Variants in NBEA observed in about 807,000 individuals in gnomAD.
NBEA encodes lysosomal-trafficking regulator 2.
NBEA carries 44 observed loss-of-function variants against 343.4 expected under a neutral mutation model. The ratio of observed to expected loss-of-function variants is 0.13; its 90% CI spans 0.10 to 0.16. NBEA has a LOEUF of 0.16. Ranked by LOEUF, NBEA falls within the 10% of genes least tolerant of loss-of-function variation. NBEA has a pLI of 1.00. For missense variants in NBEA, 2,555 were observed against 3,631.3 expected (o/e 0.70, Z 7.62); for synonymous variants, 1,175 against 1,238.7 (o/e 0.95, Z 1.08).
intron 34 of NBEA, among the ~76,000 whole-genome samples, chr13:35,253,737 A>G (rs1375242171): frequency 6.6e-6 from 1 of 152,204 alleles, no homozygotes; most frequent in Non-Finnish European, 1.5e-5. Context: ...TGGTTTCAGC[A>G]GAGACCATGT....
chr13:35,137,658 C>T (rs977515581), intron 17 of NBEA, among the ~76,000 whole-genome samples: 2 of 151,936 alleles, frequency 1.3e-5, no homozygotes, highest in African/African-American at 4.8e-5. Context: ...CCTTCTCTTA[C>T]TCTCCATAAA....
In NBEA at chr13:34,949,871, A is replaced by G. The variant is rs148766123; in HGVS notation, c.294+6757A>G. On this transcript the variant is annotated intron_variant, in intron 1 of 58. Coordinates refer to ENST00000379939, the MANE Select transcript of NBEA (RefSeq NM_001385012.1). ...TCTTTGTCTTTTTTCACCCTCTGGT[A>G]AGGTGGTAAGTACACTTTCTATTGT... 4.0e-3 allele frequency among the ~76,000 whole-genome samples: 612 copies of G among 152,174 alleles called. 1 individual carries two copies. Among genetic ancestry groups the G allele is most frequent in the Non-Finnish European group, 7.3e-3 (494 of 68,006 alleles).
intron 41 of NBEA, among the ~76,000 whole-genome samples, chr13:35,546,176 CAAGT>C (rs1566299318): frequency 1.3e-5 from 2 of 152,090 alleles, no homozygotes; most frequent in South Asian, 2.1e-4. Flanking sequence ...AGACAAAAAA[CAAGT>C]AAGAAAATTA....
chr13:35,158,793 A>C (rs190610392), intron 21 of NBEA, among the ~76,000 whole-genome samples: 2 of 152,224 alleles, frequency 1.3e-5, no homozygotes, highest in Admixed American at 1.3e-4. Flanking sequence ...TATCTGTGTG[A>C]TTTTGGCAAT....
At chr13:35,352,372 A>G in intron 38 of NBEA, 49 bp downstream of exon 38, 1 of 1,014,804 alleles carries the variant, frequency 9.9e-7, no homozygotes, top group Middle Eastern at 2.9e-4. Context: ...GTTAATTATA[A>G]TAGTTGGTAA....
Position 35,123,542 on chromosome 13 carries a change from T to C in NBEA, c.2304T>C (p.Val768=). The C allele has an allele frequency of 6.5e-7, 1 of 1,537,988 alleles. No homozygotes were observed. Among genetic ancestry groups the C allele is most frequent in the Non-Finnish European group, 8.8e-7 (1 of 1,136,744 alleles). ...SESIWVQALK[V]LGYFLKHLGH... ...GTATTTGGGTTCAAGCTTTGAAGGTTCTGGGATACTTTCTGAAGCATTTAG... is the reference window on the plus strand; with the variant it reads ...GTATTTGGGTTCAAGCTTTGAAGGTCCTGGGATACTTTCTGAAGCATTTAG... Residue 768 remains valine, a synonymous_variant, in exon 17 of 59, where the codon GTT becomes GTC. Coordinates refer to ENST00000379939, the MANE Select transcript of NBEA (RefSeq NM_001385012.1).
chr13:35,394,513 G>A (rs1479674032), intron 38 of NBEA, among the ~76,000 whole-genome samples: 4 of 151,872 alleles, frequency 2.6e-5, no homozygotes, highest in African/African-American at 7.3e-5. Context: ...GTTCAATTTC[G>A]ATTTACCCAC....
intron 1 of NBEA, among the ~76,000 whole-genome samples, chr13:34,998,763 A>G (rs1489261049): frequency 2.6e-5 from 4 of 152,064 alleles, no homozygotes; most frequent in South Asian, 2.1e-4. Flanking sequence ...TCAAACACAC[A>G]TGCTGTACAA....
At chr13:35,276,942 A>G (rs1426946359) in intron 34 of NBEA, among the ~76,000 whole-genome samples, 1 of 152,192 alleles carries the variant, frequency 6.6e-6, no homozygotes, top group Non-Finnish European at 1.5e-5. Flanking sequence ...TACATTACAT[A>G]TTTAAAGAAA....
intron 43 of NBEA, among the ~76,000 whole-genome samples, chr13:35,551,280 GC>G (rs1156924305): frequency 5.3e-5 from 8 of 152,070 alleles, no homozygotes; most frequent in Admixed American, 3.3e-4. Flanking sequence ...TTATCACATA[GC>G]TAGCATATAA....
At chr13:35,270,633 T>G (rs2034058400) in intron 34 of NBEA, among the ~76,000 whole-genome samples, 1 of 152,104 alleles carries the variant, frequency 6.6e-6, no homozygotes, top group Non-Finnish European at 1.5e-5. Context: ...CCAAATACTG[T>G]GCTTTTCCAA....
intron 41 of NBEA, among the ~76,000 whole-genome samples, chr13:35,529,529 T>C: frequency 6.6e-6 from 1 of 152,192 alleles, no homozygotes; most frequent in East Asian, 1.9e-4. Flanking sequence ...ATAAGTACCG[T>C]TTTATATGTG....
chr13:34,942,718 TGG>T lies in NBEA; in HGVS notation c.-100_-99del. The stretch of plus-strand genomic sequence containing the variant: ...CCGGCGCCGCGGCGCTGGTGGATGC[TGG>T]GGCTCCGAGGCGACGGCCGGGGGGC... On this transcript the variant is annotated 5_prime_UTR_variant, in exon 1 of 59. Transcript: ENST00000379939. The T allele has an allele frequency of 1.1e-6, 1 of 934,604 alleles. No individual in the cohort carries two copies. Among genetic ancestry groups the T allele is most frequent in the Non-Finnish European group, 1.4e-6 (1 of 719,234 alleles). The allele number at this position is 934,604 out of a possible 1,614,324, so 57.9% of individuals were successfully genotyped here. A position where few individuals can be genotyped will look rare whatever the true frequency, so the allele number is the denominator to read the frequency against.
At chr13:35,312,305 A>G (rs2037422018) in intron 36 of NBEA, among the ~76,000 whole-genome samples, 1 of 152,204 alleles carries the variant, frequency 6.6e-6, no homozygotes, top group Non-Finnish European at 1.5e-5. Flanking sequence ...ACTTACCCAA[A>G]GGAATGCCAT....
chr13:35,008,276 T>C (rs1330742001), intron 1 of NBEA, among the ~76,000 whole-genome samples: 1 of 152,202 alleles, frequency 6.6e-6, no homozygotes, highest in South Asian at 2.1e-4. Flanking sequence ...TTCGTATCCT[T>C]GGGAGATTAG....
intron 2 of NBEA, among the ~76,000 whole-genome samples, chr13:35,043,223 G>C (rs1355247251): frequency 6.6e-6 from 1 of 151,600 alleles, no homozygotes; most frequent in Admixed American, 6.6e-5. Context: ...TGAGCTGCTT[G>C]GTTGTGTTAC....
chr13:35,491,001 G>C (rs1168370158), intron 41 of NBEA, among the ~76,000 whole-genome samples: 1 of 151,728 alleles, frequency 6.6e-6, no homozygotes, highest in Admixed American at 6.6e-5. Context: ...TTGTTGCACA[G>C]GTTAAATAAA....
intron 34 of NBEA, among the ~76,000 whole-genome samples, chr13:35,271,417 G>T (rs538123762): frequency 5.9e-5 from 9 of 152,284 alleles, no homozygotes; most frequent in African/African-American, 2.2e-4. Flanking sequence ...GAGCAGAAGG[G>T]CTGAAAATTC....
chr13:35,092,269 CTT>C (rs1221339727), intron 10 of NBEA, among the ~76,000 whole-genome samples: 1 of 151,868 alleles, frequency 6.6e-6, no homozygotes. Flanking sequence ...AACTCTAAAA[CTT>C]TTATGGGAAA....
Sources: allele counts gnomAD v4.1 joint callset (sites outside exome capture counted in the v4.1 genomes callset), GRCh38; gene constraint gnomAD v4.1.1; transcripts MANE v1.5; gene names NCBI Gene and HGNC (gene_info 2026-07-23, HGNC 2026-07-21).